Variants in OR4C46 observed in about 807,000 individuals in gnomAD.
OR4C46 encodes olfactory receptor 4C46.
In OR4C46, 17 loss-of-function variants were observed where a neutral mutation model predicts 11.8. The ratio of observed to expected loss-of-function variants is 1.44; its 90% CI spans 0.98 to 2.16. The LOEUF is 2.16. Among genes scored for constraint, OR4C46 ranks in the 30% most tolerant of loss-of-function variants. The probability of loss-of-function intolerance (pLI) is 0.00; values close to 1 mark genes in which losing one functional copy is unlikely to be tolerated. For missense variants in OR4C46, 606 were observed against 372.1 expected, an observed-to-expected ratio of 1.63 and a Z score of -5.17; for synonymous variants, 224 against 137.6, an observed-to-expected ratio of 1.63 and a Z score of -4.39.
In OR4C46 at chr11:54,603,732, G is replaced by A; in HGVS notation, c.267C>T (p.Ala89=). 1.9e-6 allele frequency: 3 copies of A among 1,613,914 alleles called. No homozygotes were observed. The highest frequency in any genetic ancestry group is 2.5e-6 in the Non-Finnish European group (3 of 1,179,870). ...GAGTCATGCATCCATTGAATAGGAT[G>A]GCCTTCTTTCCATAGAGTGAATGTG... ...LITHSLYGKK[A]ILFNGCMTQV... Residue 89 remains alanine (A), a synonymous_variant, in exon 1 of 1, where the codon GCC becomes GCT. Transcript: ENST00000328188.
Position 54,603,433 on chromosome 11 carries a change from T to C in OR4C46, c.566A>G (p.Asp189Gly), listed in dbSNP as rs1174396736. Residue 189 changes from aspartate to glycine, a missense_variant, in exon 1 of 1, where the codon GAC becomes GGC. Physicochemically the swap from Asp to Gly is moderately conservative, Grantham distance 94. Transcript: ENST00000328188. ...AATGAAGAGTTCCAGCATATGGGTG[T>C]CAGTGCAGGCGAGGTTGAGCAAAGG... ...LNPLLNLACT[D>G]THMLELFIAA... 1 of 1,613,578 alleles carries C rather than the reference T, an allele frequency of 6.2e-7. No homozygotes were observed. Among genetic ancestry groups the C allele is most frequent in the East Asian group, 2.2e-5 (1 of 44,856 alleles).
Sources: gnomAD v4.1 joint callset for allele counts on GRCh38, gnomAD v4.1.1 for gene constraint, MANE v1.5 for transcripts, NCBI Gene and HGNC (gene_info 2026-07-23, HGNC 2026-07-21) for gene names.